Variants in FGGY observed in about 807,000 individuals in gnomAD.
FGGY encodes FGGY carbohydrate kinase domain-containing protein.
Under a neutral mutation model 71.3 loss-of-function variants are expected in FGGY, and 72 were observed. That is an observed-to-expected ratio of 1.01 (90% CI 0.84 to 1.23). The LOEUF (loss-of-function observed/expected upper bound fraction) is 1.23, where lower values mean the gene tolerates loss of function less well. Ranked by LOEUF, FGGY falls within the 50% of genes most tolerant of loss-of-function variation. The pLI is 0.00. For missense variants in FGGY, 668 were observed against 682.3 expected, an observed-to-expected ratio of 0.98 and a Z score of 0.23; for synonymous variants, 251 against 250.3, an observed-to-expected ratio of 1.00 and a Z score of -0.02.
intron 6 of FGGY, among the ~76,000 whole-genome samples, chr1:59,462,339 T>C (rs2092304425): frequency 1.3e-5 from 2 of 152,122 alleles, no homozygotes; most frequent in African/African-American, 4.8e-5. Flanking sequence ...CCGTTAGACC[T>C]AAAACCATAA....
intron 4 of FGGY, among the ~76,000 whole-genome samples, chr1:59,371,731 A>T (rs1276799306): frequency 1.3e-5 from 2 of 152,170 alleles, no homozygotes; most frequent in Non-Finnish European, 2.9e-5. Context: ...GTGCAATCAA[A>T]CTAGAACTCA....
At chr1:59,760,689 C>T (rs1445375138) in intron 15 of FGGY, among the ~76,000 whole-genome samples, 2 of 152,114 alleles carry the variant, frequency 1.3e-5, no homozygotes, top group Admixed American at 6.6e-5. Flanking sequence ...ATAAGATAAC[C>T]ACAAAAAGAC....
intron 1 of FGGY, among the ~76,000 whole-genome samples, chr1:59,307,613 T>A (rs192696323): frequency 6.6e-6 from 1 of 152,318 alleles, no homozygotes; most frequent in East Asian, 1.9e-4. Context: ...TGGCACCACA[T>A]CTTGCACAGA....
intron 6 of FGGY, among the ~76,000 whole-genome samples, chr1:59,480,384 C>T (rs775689758): frequency 2.6e-5 from 4 of 152,136 alleles, no homozygotes; most frequent in Non-Finnish European, 4.4e-5. Flanking sequence ...CTTCCAGTAT[C>T]GAGTCCATGT....
intron 8 of FGGY, among the ~76,000 whole-genome samples, chr1:59,563,485 G>T (rs1437567380): frequency 1.3e-5 from 2 of 152,084 alleles, no homozygotes; most frequent in Non-Finnish European, 2.9e-5. Flanking sequence ...ACTTACAGGG[G>T]ATATGAAGGA....
intron 4 of FGGY, among the ~76,000 whole-genome samples, chr1:59,368,204 A>G (rs2056903296): frequency 6.6e-6 from 1 of 152,200 alleles, no homozygotes; most frequent in African/African-American, 2.4e-5. Flanking sequence ...TAATCCGTGC[A>G]ACATTGTGCA....
At chr1:59,315,088 G>GTGGC (rs1214303384) in intron 1 of FGGY, among the ~76,000 whole-genome samples, 1 of 152,182 alleles carries the variant, frequency 6.6e-6, no homozygotes, top group East Asian at 1.9e-4. Flanking sequence ...CCAGGTGTGA[G>GTGGC]TGGCTGACCC....
intron 14 of FGGY, among the ~76,000 whole-genome samples, chr1:59,734,541 G>A (rs2098082999): frequency 6.6e-6 from 1 of 152,160 alleles, no homozygotes; most frequent in African/African-American, 2.4e-5. Flanking sequence ...CTAGACACAT[G>A]CTTCCCCCTC....
chr1:59,426,716 T>G (rs1262535922), intron 5 of FGGY, among the ~76,000 whole-genome samples: 2 of 152,148 alleles, frequency 1.3e-5, no homozygotes, highest in Non-Finnish European at 2.9e-5. Context: ...TTACTTTTGC[T>G]CCATGAAGTC....
chr1:59,350,300 G>T (rs941627948), intron 4 of FGGY, among the ~76,000 whole-genome samples: 1 of 152,146 alleles, frequency 6.6e-6, no homozygotes. Context: ...AGGGATAGTG[G>T]TAGGGGAGCA....
chr1:59,373,168 C>G (rs921258902), intron 4 of FGGY, among the ~76,000 whole-genome samples: 47 of 152,054 alleles, frequency 3.1e-4, no homozygotes, highest in Non-Finnish European at 5.6e-4. Context: ...ACCCCATTGT[C>G]TCAGCCCAAA....
In FGGY at chr1:59,436,269, C is replaced by T. The variant is rs543884591; in HGVS notation, c.555-20692C>T. Among the ~76,000 whole-genome samples the T allele has an allele frequency of 1.4e-4, 22 of 152,172 alleles. No individual in the cohort carries two copies. In the East Asian group the frequency reaches 2.3e-3, roughly 16 times the overall value. On this transcript the variant is annotated intron_variant, in intron 5 of 15. Coordinates refer to ENST00000303721, the MANE Select transcript of FGGY (RefSeq NM_018291.5). ...TGCTCTTCCTTATGTTCTCTTCCCA[C>T]GGCAGGCACCCTCTGCCCTTCTGTT...
chr1:59,612,242 G>T (rs1311169737), intron 9 of FGGY, among the ~76,000 whole-genome samples: 1 of 152,220 alleles, frequency 6.6e-6, no homozygotes, highest in Non-Finnish European at 1.5e-5. Context: ...AGGGCAGCCA[G>T]AGAGAAAGGT....
chr1:59,529,397 A>G (rs2095079578), intron 7 of FGGY, among the ~76,000 whole-genome samples: 1 of 152,186 alleles, frequency 6.6e-6, no homozygotes. Flanking sequence ...GAACCCCCTG[A>G]GGTTAGCTAC....
intron 5 of FGGY, among the ~76,000 whole-genome samples, chr1:59,407,337 C>A (rs12071508): frequency 0.018 from 2,745 of 152,214 alleles, 88 homozygotes; most frequent in African/African-American, 0.063. Context: ...AGAATGGTAG[C>A]AAAGATCCAA....
intron 7 of FGGY, among the ~76,000 whole-genome samples, chr1:59,536,423 C>A (rs933329886): frequency 1.3e-5 from 2 of 152,186 alleles, no homozygotes; most frequent in African/African-American, 4.8e-5. Flanking sequence ...GGTACCATTC[C>A]TTCTGAAACT....
intron 14 of FGGY, among the ~76,000 whole-genome samples, chr1:59,732,015 T>C (rs1318189522): frequency 1.3e-5 from 2 of 152,164 alleles, no homozygotes; most frequent in Non-Finnish European, 2.9e-5. Context: ...GAGCCTCAGT[T>C]TCCTCATCTG....
rs758956605 is a variant in FGGY, at chr1:59,667,352, G to A, written c.1366G>A (p.Gly456Arg). The A allele has an allele frequency of 6.2e-7, 1 of 1,614,122 alleles. No individual in the cohort carries two copies. Among genetic ancestry groups the A allele is most frequent in the South Asian group, 1.1e-5 (1 of 91,080 alleles). ...GHSISTLFLC[G>R]GLSKNPLFVQ... is the part of the protein sequence containing the mutation. The stretch of plus-strand genomic sequence containing the variant: ...CTCAATCAGTACTCTTTTCCTATGT[G>A]GAGGCCTCAGCAAGAATCCCCTTTT... Residue 456 changes from glycine to arginine, a missense_variant, in exon 13 of 16, where the codon GGA becomes AGA. Gly to Arg is a moderately radical substitution (Grantham distance 125). Around this residue, in one of 2 missense-constraint regions of FGGY, gnomAD observed 661 missense variants for 661.6 expected, o/e 1.00. Coordinates refer to ENST00000303721, the MANE Select transcript of FGGY (RefSeq NM_018291.5).
intron 1 of FGGY, among the ~76,000 whole-genome samples, chr1:59,302,116 G>A (rs2042851196): frequency 6.6e-6 from 1 of 151,768 alleles, no homozygotes; most frequent in South Asian, 2.1e-4. Flanking sequence ...TAAATCTTGT[G>A]TTCCTGAGAT....
Sources: gnomAD v4.1 joint callset for allele counts (sites outside exome capture counted in the v4.1 genomes callset) on GRCh38, gnomAD v4.1.1 for gene constraint, gnomAD v4.1.1 regional missense constraint, MANE v1.5 for transcripts, NCBI Gene and HGNC (gene_info 2026-07-23, HGNC 2026-07-21) for gene names.